ERI3: variants seen among roughly 807,000 people sequenced by gnomAD.
The protein encoded by ERI3 is ERI1 exoribonuclease 3.
In ERI3, 18 loss-of-function variants were observed where a neutral mutation model predicts 44.4. The ratio of observed to expected loss-of-function variants is 0.41; its 90% CI spans 0.28 to 0.60. The LOEUF (loss-of-function observed/expected upper bound fraction) is 0.60. Among genes scored for constraint, ERI3 ranks in the 20% least tolerant of loss-of-function variants. The pLI is 0.36. For missense variants in ERI3, 294 were observed against 435.5 expected, an observed-to-expected ratio of 0.68 and a Z score of 2.89; for synonymous variants, 183 against 164.8, an observed-to-expected ratio of 1.11 and a Z score of -0.84.
In ERI3 at chr1:44,228,242, C is replaced by T. The variant is rs948398198; in HGVS notation, c.932-6602G>A. Among the ~76,000 whole-genome samples, 1 of 152,152 alleles carries T rather than the reference C, an allele frequency of 6.6e-6. No individual in the cohort carries two copies. Among genetic ancestry groups the T allele is most frequent in the African/African-American group, 2.4e-5 (1 of 41,412 alleles). The stretch of plus-strand genomic sequence containing the variant: ...CCTTCTTTCAGCCCCTCCCCTCAGC[C>T]CCCTCCACCCCACCGAGGTGCCTGG... On this transcript the variant is annotated intron_variant, in intron 8 of 8. Coordinates refer to ENST00000372257, the MANE Select transcript of ERI3 (RefSeq NM_024066.3). The surrounding 1 kb of genome is among the most constrained non-coding windows in gnomAD (Gnocchi z 4.3).
At chr1:44,276,800 C>CA (rs1397814137) in intron 7 of ERI3, among the ~76,000 whole-genome samples, 1 of 152,200 alleles carries the variant, frequency 6.6e-6, no homozygotes, top group African/African-American at 2.4e-5. Context: ...CCAATATTTT[C>CA]AATTCCCTAT....
chr1:44,351,362 T>G (rs994446918), intron 2 of ERI3, among the ~76,000 whole-genome samples: 2 of 152,206 alleles, frequency 1.3e-5, no homozygotes, highest in Admixed American at 6.5e-5. Flanking sequence ...AAATCTAATG[T>G]CAGTCTACTG....
chr1:44,247,898 C>T (rs750033668), intron 8 of ERI3, 41 bp downstream of exon 8: 10 of 1,539,746 alleles, frequency 6.5e-6, no homozygotes, highest in East Asian at 2.3e-5. Context: ...GGGCAAGGGA[C>T]GATGGATGGA....
intron 8 of ERI3, among the ~76,000 whole-genome samples, chr1:44,222,526 G>A (rs1197236695): frequency 6.6e-6 from 1 of 152,198 alleles, no homozygotes. Context: ...CTAGAACCCT[G>A]GAGGCTGGAG....
chr1:44,330,017 AC>A (rs1249053343), intron 3 of ERI3, among the ~76,000 whole-genome samples: 7 of 152,098 alleles, frequency 4.6e-5, no homozygotes, highest in Admixed American at 4.6e-4. Flanking sequence ...TCCTAGTCCA[AC>A]CCACTAGCAT....
chr1:44,320,192 A>G (rs1646170425), intron 3 of ERI3, among the ~76,000 whole-genome samples: 1 of 152,216 alleles, frequency 6.6e-6, no homozygotes, highest in South Asian at 2.1e-4. Flanking sequence ...GTTTGAACCA[A>G]GCTGGTAAGT....
At chr1:44,282,701 A>G (rs911277819) in intron 7 of ERI3, among the ~76,000 whole-genome samples, 1 of 152,180 alleles carries the variant, frequency 6.6e-6, no homozygotes, top group African/African-American at 2.4e-5. Context: ...GCACATTTGC[A>G]ATACAAAGTG....
At chr1:44,351,021 T>A (rs1344775301) in intron 2 of ERI3, among the ~76,000 whole-genome samples, 1 of 152,016 alleles carries the variant, frequency 6.6e-6, no homozygotes, top group East Asian at 1.9e-4. Context: ...TTTTTCACAA[T>A]GAAATCAGAG....
chr1:44,314,155 G>C (rs979813825), intron 4 of ERI3, among the ~76,000 whole-genome samples: 6 of 149,768 alleles, frequency 4.0e-5, no homozygotes, highest in East Asian at 1.9e-4. Context: ...AAGTGTGTTG[G>C]GGGGGGGGAG....
chr1:44,328,244 T>C (rs1483947375), intron 3 of ERI3, among the ~76,000 whole-genome samples: 1 of 110,490 alleles, frequency 9.1e-6, no homozygotes, highest in Non-Finnish European at 1.7e-5. Flanking sequence ...CGCAATGCAC[T>C]GAACACATTT....
intron 6 of ERI3, among the ~76,000 whole-genome samples, chr1:44,292,941 T>C (rs1557825598): frequency 1.3e-5 from 2 of 152,148 alleles, no homozygotes; most frequent in South Asian, 2.1e-4. Flanking sequence ...AAGCAGCCCA[T>C]CAGCTTTAAA....
chr1:44,275,354 T>G (rs548599452), intron 7 of ERI3, among the ~76,000 whole-genome samples: 2 of 152,266 alleles, frequency 1.3e-5, no homozygotes, highest in Admixed American at 1.3e-4. Flanking sequence ...CTCAGCCCAC[T>G]TGCTGAAGCC....
chr1:44,350,668 G>A (rs187141208), intron 2 of ERI3, among the ~76,000 whole-genome samples: 1 of 152,298 alleles, frequency 6.6e-6, no homozygotes, highest in East Asian at 1.9e-4. Context: ...TAGTAGATGG[G>A]TAGGAAGTTA....
chr1:44,284,890 T>C lies in ERI3; in HGVS notation c.776A>G (p.Gln259Arg), dbSNP rs767193905. The change falls in exon 7 of 9, where the codon CAG becomes CGG. Residue 259 changes from glutamine (Q) to arginine (R), a missense_variant. Coordinates refer to ENST00000372257, the MANE Select transcript of ERI3 (RefSeq NM_024066.3). ...ATCCGCCACTGGCAAGCCCAAGTAC[T>C]GGCACTGGCCTGGGAGCCTACAAAA... ...DLKVMLPGQC[Q>R]YLGLPVADYF... 1.9e-6 allele frequency: 3 copies of C among 1,614,016 alleles called. No homozygotes were observed. Among genetic ancestry groups the C allele is most frequent in the South Asian group, 1.1e-5 (1 of 91,068 alleles).
rs1440260045 is a variant in ERI3 at position 44,235,111 on chromosome 1, C to T, written c.931+12828G>A. Among the ~76,000 whole-genome samples the T allele has an allele frequency of 1.3e-5, 2 of 152,200 alleles. No individual in the cohort carries two copies. The highest frequency in any genetic ancestry group is 2.9e-5 in the Non-Finnish European group (2 of 68,030). Reference sequence around the variant, plus strand: ...ACCACCAGCACCACTTCCAGTGGCTCCTCACTGCTCTCAGGACTGCTCAGC... The same window carrying T: ...ACCACCAGCACCACTTCCAGTGGCTTCTCACTGCTCTCAGGACTGCTCAGC... On this transcript the variant is annotated intron_variant, in intron 8 of 8. Coordinates refer to ENST00000372257, the MANE Select transcript of ERI3 (RefSeq NM_024066.3). The surrounding 1 kb of genome is among the most constrained non-coding windows in gnomAD (Gnocchi z 4.6).
At chr1:44,227,652 G>A (rs1644077430) in intron 8 of ERI3, among the ~76,000 whole-genome samples, 2 of 152,044 alleles carry the variant, frequency 1.3e-5, no homozygotes, top group Admixed American at 1.3e-4. Context: ...TCTGTGATGG[G>A]GACCCAACAG....
At chr1:44,244,423 C>G (rs1644508972) in intron 8 of ERI3, 1 of 152,814 alleles carries the variant, frequency 6.5e-6, no homozygotes, top group East Asian at 1.9e-4. Flanking sequence ...ACTTCACCCT[C>G]AGTCCCCAGG....
intron 5 of ERI3, among the ~76,000 whole-genome samples, chr1:44,310,591 C>T (rs1645933666): frequency 6.6e-6 from 1 of 152,136 alleles, no homozygotes; most frequent in African/African-American, 2.4e-5. Context: ...GTGTGCTCAG[C>T]AGGAAAGAGA....
chr1:44,319,183 G>A (rs1029755103), intron 4 of ERI3, among the ~76,000 whole-genome samples: 3 of 152,170 alleles, frequency 2.0e-5, no homozygotes, highest in Non-Finnish European at 4.4e-5. Context: ...ATGTACCTTC[G>A]ACAAACTCAA....
Sources: gnomAD v4.1 joint callset for allele counts (sites outside exome capture counted in the v4.1 genomes callset) on GRCh38, gnomAD v4.1.1 for gene constraint, Gnocchi (gnomAD v3.1) non-coding constraint, MANE v1.5 for transcripts, NCBI Gene and HGNC (gene_info 2026-07-23, HGNC 2026-07-21) for gene names.